The following PCDHA1 variants were observed in gnomAD, a reference collection of about 807,000 sequenced individuals.
PCDHA1 encodes protocadherin alpha 1.
In PCDHA1, 42 loss-of-function variants were observed where a neutral mutation model predicts 61.3. The observed-to-expected ratio is 0.69, with a 90% CI of 0.54 to 0.89. The LOEUF (loss-of-function observed/expected upper bound fraction) is 0.89, where lower values mean the gene tolerates loss of function less well. PCDHA1 is among the 40% of genes least tolerant of loss of function. The pLI is 0.00. For synonymous variants in PCDHA1, 610 were observed against 553.8 expected, an observed-to-expected ratio of 1.10 and a Z score of -1.43; for missense variants, 1,256 against 1,235.3, an observed-to-expected ratio of 1.02 and a Z score of -0.25.
intron 1 of PCDHA1, among the ~76,000 whole-genome samples, chr5:140,939,496 T>C (rs1056805885): frequency 4.6e-5 from 7 of 150,952 alleles, no homozygotes; most frequent in African/African-American, 1.5e-4. Context: ...AATTATAAAT[T>C]CAATGTCTAT....
At chr5:140,989,565 G>A (rs782538666) in intron 3 of PCDHA1, among the ~76,000 whole-genome samples, 12 of 152,134 alleles carry the variant, frequency 7.9e-5, no homozygotes, top group South Asian at 4.1e-4. Context: ...TTGTGGCTCC[G>A]GCAAGCCCTG....
At position 140,832,567 on chromosome 5, in the gene PCDHA1, G is replaced by A. The variant is rs138843846; in HGVS notation, c.2394+43883G>A. 2.6e-5 allele frequency among the ~76,000 whole-genome samples: 4 copies of A among 152,302 alleles called. No individual in the cohort carries two copies. The East Asian group carries it at 7.7e-4, about 29-fold the overall frequency. On this transcript the variant is annotated intron_variant, in intron 1 of 3. Coordinates refer to ENST00000504120, the MANE Select transcript of PCDHA1 (RefSeq NM_018900.4). ...AATGATATCTAACAGCCTCAAAACAGCATACTTTCTTAGGAAGTAGAGAAC... is the reference window on the plus strand; with the variant it reads ...AATGATATCTAACAGCCTCAAAACAACATACTTTCTTAGGAAGTAGAGAAC...
At chr5:140,791,584 A>AT (rs57510246) in intron 1 of PCDHA1, among the ~76,000 whole-genome samples, 78,080 of 151,740 alleles carry the variant, frequency 0.51, 20,268 homozygotes, top group Middle Eastern at 0.64. Context: ...AGAGGGGGGC[A>AT]TTTTTTTTAC....
At chr5:140,982,417 GA>G (rs1554244117) in intron 2 of PCDHA1, 57 bp from the exon 3 acceptor site, 1 of 1,610,428 alleles carries the variant, frequency 6.2e-7, no homozygotes, top group African/African-American at 1.3e-5. Flanking sequence ...GAGGGTGGAA[GA>G]AGAGATGGGA....
At chr5:140,870,561 C>T (rs544569992) in intron 1 of PCDHA1, 6 of 1,614,010 alleles carry the variant, frequency 3.7e-6, no homozygotes, top group African/African-American at 1.3e-5. Flanking sequence ...CGCAGGAGAA[C>T]GCGCTGGTGT....
intron 1 of PCDHA1, among the ~76,000 whole-genome samples, chr5:140,919,699 C>T (rs946203919): frequency 3.3e-5 from 5 of 152,084 alleles, no homozygotes; most frequent in African/African-American, 1.2e-4. Context: ...TTTATATTAA[C>T]TTAATTCTAG....
chr5:140,929,071 T>C, intron 1 of PCDHA1: 1 of 1,614,122 alleles, frequency 6.2e-7, no homozygotes, highest in South Asian at 1.1e-5. Flanking sequence ...GGATCTGAGG[T>C]ATGGAAGTAA....
chr5:140,815,649 T>C (rs1305813119), intron 1 of PCDHA1: 1 of 152,172 alleles, frequency 6.6e-6, no homozygotes, highest in Non-Finnish European at 1.5e-5. Context: ...TGTTTTTATC[T>C]ATATATTTAT....
chr5:140,840,552 T>C (rs1158381714), intron 1 of PCDHA1, among the ~76,000 whole-genome samples: 1 of 152,052 alleles, frequency 6.6e-6, no homozygotes, highest in Non-Finnish European at 1.5e-5. Flanking sequence ...ATGATGGCAA[T>C]ACTGCTAGAG....
intron 3 of PCDHA1, among the ~76,000 whole-genome samples, chr5:141,002,223 T>C (rs2098066619): frequency 6.6e-6 from 1 of 151,974 alleles, no homozygotes. Flanking sequence ...AAATGATGGG[T>C]TTTCTGGAAG....
chr5:140,948,318 A>G (rs1423632599), intron 1 of PCDHA1, among the ~76,000 whole-genome samples: 1 of 151,520 alleles, frequency 6.6e-6, no homozygotes, highest in Non-Finnish European at 1.5e-5. Flanking sequence ...TTGAGGGGTA[A>G]TGTTTTCATT....
chr5:140,796,400 C>G (rs202116317), intron 1 of PCDHA1: 5 of 1,613,870 alleles, frequency 3.1e-6, no homozygotes, highest in African/African-American at 1.3e-5. Flanking sequence ...ACGGTGTCAG[C>G]GTGGGATGCG....
chr5:140,836,378 G>C (rs2150259168), intron 1 of PCDHA1: 13 of 1,613,632 alleles, frequency 8.1e-6, no homozygotes, highest in Non-Finnish European at 1.1e-5. Flanking sequence ...CAGCCACCGT[G>C]CTGGTGTCGC....
chr5:140,895,442 C>T (rs2065008027), intron 1 of PCDHA1, among the ~76,000 whole-genome samples: 1 of 152,148 alleles, frequency 6.6e-6, no homozygotes. Context: ...AGACTCTTTT[C>T]ATGTGCTTAT....
At chr5:140,949,383 T>C (rs2094373133) in intron 1 of PCDHA1, among the ~76,000 whole-genome samples, 1 of 151,882 alleles carries the variant, frequency 6.6e-6, no homozygotes, top group Non-Finnish European at 1.5e-5. Flanking sequence ...TATCAATTGC[T>C]CAGAGAGCAG....
At chr5:140,833,018 C>T (rs1360278866) in intron 1 of PCDHA1, among the ~76,000 whole-genome samples, 1 of 152,022 alleles carries the variant, frequency 6.6e-6, no homozygotes, top group East Asian at 1.9e-4. Context: ...ACATGGTTCC[C>T]ATAAGAGAGA....
At chr5:140,826,525 A>G (rs1377538782) in intron 1 of PCDHA1, among the ~76,000 whole-genome samples, 2 of 152,162 alleles carry the variant, frequency 1.3e-5, no homozygotes, top group East Asian at 3.8e-4. Flanking sequence ...GTCATTTGAA[A>G]AGTCTTATTG....
At chr5:140,816,835 T>A (rs1221518699) in intron 1 of PCDHA1, 3 of 152,054 alleles carry the variant, frequency 2.0e-5, no homozygotes, top group African/African-American at 7.2e-5. Context: ...CTCTGTGGTG[T>A]CTGTGTGCTG....
rs782426631 is a variant in PCDHA1, at chr5:140,982,476, T to G, written c.2455T>G (p.Ser819Ala). The change falls in exon 3 of 4, where the codon TCT becomes GCT. Residue 819 changes from serine to alanine, a missense_variant and splice_region_variant. By Grantham distance (99) the Ser-to-Ala change is moderately conservative (BLOSUM62 1). Coordinates refer to ENST00000504120, the MANE Select transcript of PCDHA1 (RefSeq NM_018900.4). The part of the protein sequence containing the change: ...SASLRAGMHS[S>A]VHLEEAGILR... Reference sequence around the variant, plus strand: ...ATCTGGGTCTGTGTGTTTATTCAGCTCTGTGCACCTAGAGGAGGCTGGCAT... The same window carrying G: ...ATCTGGGTCTGTGTGTTTATTCAGCGCTGTGCACCTAGAGGAGGCTGGCAT... 9.3e-6 allele frequency: 15 copies of G among 1,614,064 alleles called. No individual in the cohort carries two copies. The African/African-American group carries it at 2.0e-4, about 22-fold the overall frequency.
Sources: allele counts gnomAD v4.1 joint callset (sites outside exome capture counted in the v4.1 genomes callset), GRCh38; gene constraint gnomAD v4.1.1; transcripts MANE v1.5; gene names NCBI Gene and HGNC (gene_info 2026-07-23, HGNC 2026-07-21).